ECE2: variants seen among roughly 807,000 people sequenced by gnomAD.
ECE2 encodes the protein endothelin converting enzyme 2.
A neutral mutation model predicts 100.6 loss-of-function variants in ECE2; 81 were observed. That is an observed-to-expected ratio of 0.81 (90% CI 0.67 to 0.97). ECE2 has a LOEUF of 0.97. Ranked by LOEUF, ECE2 falls within the 50% of genes least tolerant of loss-of-function variation. The probability of loss-of-function intolerance (pLI) is 0.00; values close to 1 mark genes in which losing one functional copy is unlikely to be tolerated. For synonymous variants in ECE2, 391 were observed against 391.5 expected, an observed-to-expected ratio of 1.00 and a Z score of 0.02; for missense variants, 911 against 988.1, an observed-to-expected ratio of 0.92 and a Z score of 1.05.
chr3:184,279,306 A>G (rs1460576388), intron 7 of ECE2, among the ~76,000 whole-genome samples: 2 of 72,560 alleles, frequency 2.8e-5, no homozygotes, highest in African/African-American at 8.0e-5. Context: ...AGAGACTCCG[A>G]CTCAAAAAAA....
rs114107937 is a variant in ECE2 at position 184,282,616 on chromosome 3, G to A, written c.817-1169G>A. Among the ~76,000 whole-genome samples, 518 of 152,320 alleles carry A rather than the reference G, an allele frequency of 3.4e-3. 1 individual carries two copies. The highest frequency in any genetic ancestry group is 6.8e-3 in the Middle Eastern group (2 of 294). Reference sequence around the variant, plus strand: ...CCAGCCCTGCTTTCATGGAGCCTCAGGGCCAGCAGGGGTGAGGCCACATGA... The same window carrying A: ...CCAGCCCTGCTTTCATGGAGCCTCAAGGCCAGCAGGGGTGAGGCCACATGA... On this transcript the variant is annotated intron_variant, in intron 7 of 18. Coordinates refer to ENST00000404464, the MANE Select transcript of ECE2 (RefSeq NM_001100121.2).
rs190933922 is a variant in ECE2, at chr3:184,290,623, C to T, written c.1722C>T (p.Pro574=). The change falls in exon 15 of 19, where the codon CCC becomes CCT. Residue 574 remains proline, a synonymous_variant. Coordinates refer to ENST00000404464, the MANE Select transcript of ECE2 (RefSeq NM_001100121.2). The part of the protein sequence containing the change: ...YLPTKNEIVF[P]AGILQAPFYA... The stretch of plus-strand genomic sequence containing the variant: ...CAACTAAGAATGAGATCGTCTTCCC[C>T]GCTGGCATCCTGCAGGCCCCCTTCT... 54 of 1,614,190 alleles carry T rather than the reference C, an allele frequency of 3.3e-5. 1 individual carries two copies. The East Asian group carries it at 5.3e-4, about 16-fold the overall frequency.
At chr3:184,287,762 C>T (rs1368067109) in intron 10 of ECE2, 75 bp from the exon 11 acceptor site, 2 of 1,325,758 alleles carry the variant, frequency 1.5e-6, no homozygotes, top group African/African-American at 1.4e-5. Context: ...GGCTGCTAGC[C>T]CCAGTGACAG....
intron 5 of ECE2, 51 bp downstream of exon 5, chr3:184,278,100 G>C (rs374236251): frequency 6.2e-7 from 1 of 1,613,508 alleles, no homozygotes; most frequent in Non-Finnish European, 8.5e-7. Flanking sequence ...GGCCTTGAGA[G>C]AGGAGATGGC....
chr3:184,291,907 C>A lies in ECE2; in HGVS notation c.2122-155C>A. On this transcript the variant is annotated intron_variant, in intron 18 of 18. Transcript: ENST00000404464. The surrounding 1 kb of genome is among the most constrained non-coding windows in gnomAD (Gnocchi z 4.1). ...GCTCCGCTTTTTCCCCTCGTCATGT[C>A]CATGCTGGGCAACCCGATGTCCAGG... 1.2e-6 allele frequency: 1 copy of A among 802,026 alleles called. No homozygotes were observed. Among genetic ancestry groups the A allele is most frequent in the Non-Finnish European group, 1.9e-6 (1 of 515,264 alleles). The allele number at this position is 802,026 out of a possible 1,614,324, so 49.7% of individuals were successfully genotyped here. A position where few individuals can be genotyped will look rare whatever the true frequency, so the allele number is the denominator to read the frequency against.
At position 184,283,880 on chromosome 3, in the gene ECE2, G is replaced by A; in HGVS notation, c.912G>A (p.Glu304=). Reference sequence around the variant, plus strand: ...GGGAGCAGATGCAGCAGGTGCTGGAGTTGGAGATACAGCTGGCCAACATCA... The same window carrying A: ...GGGAGCAGATGCAGCAGGTGCTGGAATTGGAGATACAGCTGGCCAACATCA... ...STREQMQQVL[E]LEIQLANITV... Residue 304 remains glutamate, a synonymous_variant, in exon 8 of 19, where the codon GAG becomes GAA. Coordinates refer to ENST00000404464, the MANE Select transcript of ECE2 (RefSeq NM_001100121.2). 1 of 1,614,052 alleles carries A rather than the reference G, an allele frequency of 6.2e-7. No individual in the cohort carries two copies.
At position 184,291,348 on chromosome 3, in the gene ECE2, A is replaced by G; in HGVS notation, c.2030A>G (p.Tyr677Cys). Residue 677 changes from tyrosine (Y) to cysteine (C), a missense_variant, in exon 18 of 19, where the codon TAC becomes TGC. Coordinates refer to ENST00000404464, the MANE Select transcript of ECE2 (RefSeq NM_001100121.2). The surrounding 1 kb of genome is among the most constrained non-coding windows in gnomAD (Gnocchi z 4.1). ...TGCCCACTGTTCTGTCCCCAGGCTT[A>G]CAAAGCATGGCTGAGAAAGCATGGG... ...NGGLKAAYNA[Y>C]KAWLRKHGEE... is the part of the protein sequence containing the mutation. 6.2e-7 allele frequency: 1 copy of G among 1,606,452 alleles called. No individual in the cohort carries two copies. Among genetic ancestry groups the G allele is most frequent in the Non-Finnish European group, 8.5e-7 (1 of 1,175,834 alleles).
chr3:184,279,873 T>C lies in ECE2; in HGVS notation c.816+1316T>C, dbSNP rs1489308774. ...GCTCCAAAGTAGGGAGGGAGCGCAGTGCTTTGGGAAGTCAGTTTGTTTGGG... is the reference window on the plus strand; with the variant it reads ...GCTCCAAAGTAGGGAGGGAGCGCAGCGCTTTGGGAAGTCAGTTTGTTTGGG... On this transcript the variant is annotated intron_variant, in intron 7 of 18. Coordinates refer to ENST00000404464, the MANE Select transcript of ECE2 (RefSeq NM_001100121.2). Among the ~76,000 whole-genome samples the C allele has an allele frequency of 2.0e-5, 3 of 152,050 alleles. No individual in the cohort carries two copies. In the East Asian group the frequency reaches 5.8e-4, roughly 29 times the overall value.
rs556967894 is a variant in ECE2, at chr3:184,292,409, C to T, written c.*171C>T. ...CCTCCTCAATCACCACATTGTGCCTCTGCTTTGGGGGTGCCCCTGCCTCCA... is the reference window on the plus strand; with the variant it reads ...CCTCCTCAATCACCACATTGTGCCTTTGCTTTGGGGGTGCCCCTGCCTCCA... On this transcript the variant is annotated 3_prime_UTR_variant, in exon 19 of 19. Coordinates refer to ENST00000404464, the MANE Select transcript of ECE2 (RefSeq NM_001100121.2). 11 of 733,034 alleles carry T rather than the reference C, an allele frequency of 1.5e-5. No individual in the cohort carries two copies. In the South Asian group the frequency reaches 1.7e-4, roughly 11 times the overall value. The allele number at this position is 733,034 out of a possible 1,614,324, so 45.4% of individuals were successfully genotyped here. A position where few individuals can be genotyped will look rare whatever the true frequency, so the allele number is the denominator to read the frequency against.
In ECE2 at chr3:184,292,522, G is replaced by A. The variant is rs1721377758; in HGVS notation, c.*284G>A. Reference sequence around the variant, plus strand: ...TGGGGAGGCCAGTTCCCATAGGAAGGAGTCTGCCTCTTCTGTCCCCAGGCT... The same window carrying A: ...TGGGGAGGCCAGTTCCCATAGGAAGAAGTCTGCCTCTTCTGTCCCCAGGCT... On this transcript the variant is annotated 3_prime_UTR_variant, in exon 19 of 19. Coordinates refer to ENST00000404464, the MANE Select transcript of ECE2 (RefSeq NM_001100121.2). 1 of 478,110 alleles carries A rather than the reference G, an allele frequency of 2.1e-6. No individual in the cohort carries two copies. The highest frequency in any genetic ancestry group is 3.4e-5 in the Admixed American group (1 of 29,438). 29.6% of individuals were successfully genotyped at this position (478,110 alleles called of 1,614,324 possible).
At chr3:184,277,882 A>T (rs1720634959) in intron 4 of ECE2, 43 bp from the exon 5 acceptor site, 1 of 1,604,088 alleles carries the variant, frequency 6.2e-7, no homozygotes, top group Non-Finnish European at 8.5e-7. Flanking sequence ...CCCCCTCAGC[A>T]GTTAACGTAA....
intron 4 of ECE2, 115 bp from the exon 5 acceptor site, chr3:184,277,810 C>T: frequency 6.8e-7 from 1 of 1,481,218 alleles, no homozygotes. Flanking sequence ...CTTCCTGGGT[C>T]TGCGTTAGCA....
chr3:184,289,466 C>T lies in ECE2; in HGVS notation c.1404C>T (p.Thr468=), dbSNP rs200414499. 1.8e-5 allele frequency: 29 copies of T among 1,610,742 alleles called. No individual in the cohort carries two copies. The highest frequency in any genetic ancestry group is 5.5e-5 in the South Asian group (5 of 90,420). Residue 468 remains threonine (T), a synonymous_variant, in exon 12 of 19, where the codon ACC becomes ACT. Transcript: ENST00000404464. The surrounding 1 kb of genome is among the most constrained non-coding windows in gnomAD (Gnocchi z 4.1). ...AGGGGATGATCAGCGAAATCCGGAC[C>T]GCATTTGAGGAGGCCCTGGGACAGC... The part of the protein sequence containing the change: ...IAEGMISEIR[T]AFEEALGQLV...
chr3:184,289,019 A>G lies in ECE2; in HGVS notation c.1375-418A>G, dbSNP rs181388616. ...AAAATACAAAAATTACCCGGGCATGATGGCGGGAGCCTGTAATCCTAGCTA... is the reference window on the plus strand; with the variant it reads ...AAAATACAAAAATTACCCGGGCATGGTGGCGGGAGCCTGTAATCCTAGCTA... On this transcript the variant is annotated intron_variant, in intron 11 of 18. Transcript: ENST00000404464. The surrounding 1 kb of genome is among the most constrained non-coding windows in gnomAD (Gnocchi z 4.1). Among the ~76,000 whole-genome samples the G allele has an allele frequency of 1.3e-5, 2 of 152,056 alleles. No individual in the cohort carries two copies. The highest frequency in any genetic ancestry group is 2.9e-5 in the Non-Finnish European group (2 of 67,980).
chr3:184,288,306 T>C (rs1201179004), intron 11 of ECE2, among the ~76,000 whole-genome samples: 1 of 64,272 alleles, frequency 1.6e-5, no homozygotes, highest in African/African-American at 8.0e-5. Flanking sequence ...CAAAACTCTG[T>C]CTCAAAAAAA....
chr3:184,279,309 C>CAAAAAAAAAAAAAA (rs60647349), intron 7 of ECE2, among the ~76,000 whole-genome samples: 2 of 79,152 alleles, frequency 2.5e-5, no homozygotes, highest in African/African-American at 9.6e-5. Flanking sequence ...GACTCCGACT[C>CAAAAAAAAAAAAAA]AAAAAAAAAA....
chr3:184,283,978 G>A lies in ECE2; in HGVS notation c.1005+5G>A. On this transcript the variant is annotated splice_donor_5th_base_variant and intron_variant, in intron 8 of 18. Transcript: ENST00000404464. ...ATGAGCATTTCGGAGCTGCAGGTGGGGCAGGCAGGGGGCTGGAGACAACTG... is the reference window on the plus strand; with the variant it reads ...ATGAGCATTTCGGAGCTGCAGGTGGAGCAGGCAGGGGGCTGGAGACAACTG... 6.2e-7 allele frequency: 1 copy of A among 1,613,350 alleles called. No homozygotes were observed. Among genetic ancestry groups the A allele is most frequent in the Non-Finnish European group, 8.5e-7 (1 of 1,179,862 alleles).
intron 9 of ECE2, 71 bp downstream of exon 9, chr3:184,285,176 CCCAG>C: frequency 6.5e-7 from 1 of 1,549,594 alleles, no homozygotes; most frequent in Non-Finnish European, 8.7e-7. Context: ...AATGGACAGG[CCCAG>C]CCACACAGAA....
At chr3:184,290,937 C>A in intron 16 of ECE2, 77 bp downstream of exon 16, 2 of 1,602,596 alleles carry the variant, frequency 1.2e-6, no homozygotes, top group Non-Finnish European at 1.7e-6. Flanking sequence ...ATTGATGTAG[C>A]CCCAAGGGCC....
Sources: gnomAD v4.1 joint callset for allele counts (sites outside exome capture counted in the v4.1 genomes callset) on GRCh38, gnomAD v4.1.1 for gene constraint, Gnocchi (gnomAD v3.1) non-coding constraint, MANE v1.5 for transcripts, NCBI Gene and HGNC (gene_info 2026-07-23, HGNC 2026-07-21) for gene names.